FANK1: variants seen among roughly 807,000 people sequenced by gnomAD.
The protein encoded by FANK1 is fibronectin type III and ankyrin repeat domains 1.
FANK1 carries 44 observed loss-of-function variants against 45.3 expected under a neutral mutation model. The ratio of observed to expected loss-of-function variants is 0.97; its 90% CI spans 0.76 to 1.25. The LOEUF (loss-of-function observed/expected upper bound fraction) is 1.25. FANK1 is among the 50% of genes most tolerant of loss of function. FANK1 has a pLI of 0.00. For synonymous variants in FANK1, 149 were observed against 152.5 expected (o/e 0.98, Z 0.17); for missense variants, 391 against 424.4 (o/e 0.92, Z 0.69).
chr10:125,998,038 G>A (rs1426963657), intron 6 of FANK1, among the ~76,000 whole-genome samples: 1 of 152,244 alleles, frequency 6.6e-6, no homozygotes, highest in Admixed American at 6.5e-5. Flanking sequence ...GGACAGATGA[G>A]AGTGTTCCTG....
At chr10:126,007,356 A>C (rs1953298776) in intron 7 of FANK1, among the ~76,000 whole-genome samples, 2 of 152,254 alleles carry the variant, frequency 1.3e-5, no homozygotes, top group Admixed American at 1.3e-4. Flanking sequence ...CAAAAGAGAA[A>C]GTGTGTGTAA....
In FANK1 at chr10:125,966,842, T is replaced by G. The variant is rs139607690; in HGVS notation, c.14-13319T>G. On this transcript the variant is annotated intron_variant, in intron 1 of 10. Coordinates refer to ENST00000368693, the MANE Select transcript of FANK1 (RefSeq NM_145235.5). ...GTAAAAGTGCTCAGTTACATTTTGTTTTTTCCCCCTTTATTCAGTACTATA... is the reference window on the plus strand; with the variant it reads ...GTAAAAGTGCTCAGTTACATTTTGTGTTTTCCCCCTTTATTCAGTACTATA... Among the ~76,000 whole-genome samples, 255 of 152,308 alleles carry G rather than the reference T, an allele frequency of 1.7e-3. 1 individual carries two copies. Among genetic ancestry groups the G allele is most frequent in the African/African-American group, 5.8e-3 (239 of 41,560 alleles).
Position 125,988,625 on chromosome 10 carries a change from G to A in FANK1, c.266G>A (p.Ser89Asn). Residue 89 changes from serine to asparagine, a missense_variant, in exon 3 of 11, where the codon AGC becomes AAC. Physicochemically the swap from Ser to Asn is conservative, Grantham distance 46. Coordinates refer to ENST00000368693, the MANE Select transcript of FANK1 (RefSeq NM_145235.5). ...TLYRFRLKVTSPSGECEYSPL... is the reference protein window; with the variant it reads ...TLYRFRLKVTNPSGECEYSPL... ...TACAGATTTCGCCTGAAGGTCACCA[G>A]CCCCTCTGGGGAGTGTGAGTACAGC... 1.9e-6 allele frequency: 3 copies of A among 1,614,218 alleles called. No individual in the cohort carries two copies. The highest frequency in any genetic ancestry group is 2.5e-6 in the Non-Finnish European group (3 of 1,180,034).
At chr10:125,949,580 G>A (rs1949059117) in intron 1 of FANK1, among the ~76,000 whole-genome samples, 2 of 148,742 alleles carry the variant, frequency 1.3e-5, no homozygotes, top group South Asian at 4.4e-4. Context: ...CCTCTTCAAG[G>A]AGAACTACAA....
intron 3 of FANK1, among the ~76,000 whole-genome samples, chr10:125,990,544 A>C (rs1329799583): frequency 6.6e-6 from 1 of 152,184 alleles, no homozygotes; most frequent in Non-Finnish European, 1.5e-5. Flanking sequence ...GTGAGAGTCC[A>C]CCCGAACCTT....
Position 126,008,424 on chromosome 10 carries a change from T to C in FANK1, c.723T>C (p.Thr241=), listed in dbSNP as rs772195477. 1.2e-6 allele frequency: 2 copies of C among 1,605,160 alleles called. No homozygotes were observed. The highest frequency in any genetic ancestry group is 8.5e-7 in the Non-Finnish European group (1 of 1,176,328). The change falls in exon 8 of 11, where the codon ACT becomes ACC. Residue 241 remains threonine, a synonymous_variant. Transcript: ENST00000368693. ...CCCAACAGGTAGACGTCGTGGACAC[T>C]GGTTCAGGATGGACCCCACTCATGA... The part of the protein sequence containing the change: ...KDGCEVDVVD[T]GSGWTPLMRV...
intron 1 of FANK1, among the ~76,000 whole-genome samples, chr10:125,976,008 T>G (rs1159680711): frequency 1.3e-5 from 2 of 152,200 alleles, no homozygotes; most frequent in Non-Finnish European, 2.9e-5. Context: ...AGATCTCTTA[T>G]AAGGCAGGTC....
intron 3 of FANK1, 57 bp from the exon 4 acceptor site, chr10:125,995,360 G>A: frequency 6.6e-7 from 1 of 1,525,932 alleles, no homozygotes. Flanking sequence ...GACGATGGCG[G>A]GAAGCAGTCT....
At chr10:125,937,409 G>A (rs1043410225) in intron 1 of FANK1, among the ~76,000 whole-genome samples, 1 of 152,126 alleles carries the variant, frequency 6.6e-6, no homozygotes. Context: ...AATTTGGATC[G>A]TAGTTTATTA....
At chr10:125,977,948 C>T (rs1395039443) in intron 1 of FANK1, among the ~76,000 whole-genome samples, 2 of 152,182 alleles carry the variant, frequency 1.3e-5, no homozygotes, top group Non-Finnish European at 2.9e-5. Flanking sequence ...TCAGTTGCCC[C>T]TGGAGGCTCT....
chr10:125,984,347 T>A lies in FANK1; in HGVS notation c.191+4009T>A, dbSNP rs116687177. ...CCCAGAATGACATACTTCACTTCTGTGTATACTTCATTGCTCAAAGCAAGA... is the reference window on the plus strand; with the variant it reads ...CCCAGAATGACATACTTCACTTCTGAGTATACTTCATTGCTCAAAGCAAGA... On this transcript the variant is annotated intron_variant, in intron 2 of 10. Transcript: ENST00000368693. 1.0e-3 allele frequency among the ~76,000 whole-genome samples: 158 copies of A among 152,274 alleles called. 1 individual carries two copies. Among genetic ancestry groups the A allele is most frequent in the African/African-American group, 3.7e-3 (152 of 41,562 alleles).
At chr10:125,950,429 AAAC>A in intron 1 of FANK1, among the ~76,000 whole-genome samples, 1 of 149,820 alleles carries the variant, frequency 6.7e-6, no homozygotes, top group Middle Eastern at 3.2e-3. Context: ...AGAAAAAAAC[AAAC>A]AACCCCATCA....
chr10:125,908,462 T>C (rs958739015), intron 1 of FANK1, among the ~76,000 whole-genome samples: 12 of 152,174 alleles, frequency 7.9e-5, no homozygotes, highest in African/African-American at 2.9e-4. Context: ...GCAATCTGGA[T>C]GGAATTAGAG....
chr10:125,933,890 C>T (rs1033885720), intron 1 of FANK1, among the ~76,000 whole-genome samples: 1 of 152,008 alleles, frequency 6.6e-6, no homozygotes, highest in African/African-American at 2.4e-5. Flanking sequence ...CGTTTTTGAC[C>T]CAGTGCTCAT....
chr10:125,992,153 G>A (rs1951992848), intron 3 of FANK1, among the ~76,000 whole-genome samples: 1 of 152,242 alleles, frequency 6.6e-6, no homozygotes. Context: ...AGTCTTGAAG[G>A]ATTCAGGGGT....
intron 1 of FANK1, among the ~76,000 whole-genome samples, chr10:125,905,503 G>A (rs75689353): frequency 7.1e-3 from 906 of 127,734 alleles, no homozygotes; most frequent in South Asian, 0.031. Flanking sequence ...AGCAGGTGTA[G>A]GTGTACAACC....
intron 1 of FANK1, among the ~76,000 whole-genome samples, chr10:125,959,658 G>GT (rs1949799085): frequency 6.6e-6 from 1 of 152,096 alleles, no homozygotes; most frequent in Non-Finnish European, 1.5e-5. Context: ...CAGTTAATTA[G>GT]TAAAACCTAC....
intron 1 of FANK1, among the ~76,000 whole-genome samples, chr10:125,957,742 C>T (rs1212957031): frequency 1.3e-5 from 2 of 151,936 alleles, no homozygotes; most frequent in African/African-American, 4.8e-5. Flanking sequence ...CCATGCTGGT[C>T]GCAAACTCCT....
chr10:125,976,135 T>TTA (rs1950838703), intron 1 of FANK1, among the ~76,000 whole-genome samples: 1 of 151,758 alleles, frequency 6.6e-6, no homozygotes, highest in Non-Finnish European at 1.5e-5. Context: ...TTTTTTTTTT[T>TTA]AAAGAATGTT....
Sources: gnomAD v4.1 joint callset for allele counts (sites outside exome capture counted in the v4.1 genomes callset) on GRCh38, gnomAD v4.1.1 for gene constraint, MANE v1.5 for transcripts, NCBI Gene and HGNC (gene_info 2026-07-23, HGNC 2026-07-21) for gene names.